The following CTNND2 variants were observed in gnomAD, a reference collection of about 807,000 sequenced individuals.
The protein encoded by CTNND2 is catenin delta-2.
Under a neutral mutation model 144.4 loss-of-function variants are expected in CTNND2, and 22 were observed. The ratio of observed to expected loss-of-function variants is 0.15; its 90% CI spans 0.11 to 0.22. CTNND2 has a LOEUF of 0.22. CTNND2 is among the 10% of genes least tolerant of loss of function. The pLI, the probability that CTNND2 is intolerant of heterozygous loss-of-function variation, is 1.00. For missense variants in CTNND2, 1,353 were observed against 1,618.8 expected (o/e 0.84, Z 2.82); for synonymous variants, 751 against 695.6 (o/e 1.08, Z -1.25).
intron 11 of CTNND2, among the ~76,000 whole-genome samples, chr5:11,191,877 T>G (rs1379275823): frequency 6.6e-6 from 1 of 152,182 alleles, no homozygotes; most frequent in East Asian, 1.9e-4. Context: ...TGGCTCTGGC[T>G]TCCCCTGCTT....
chr5:11,119,883 G>A (rs957913342), intron 12 of CTNND2, among the ~76,000 whole-genome samples: 9 of 152,156 alleles, frequency 5.9e-5, no homozygotes, highest in Non-Finnish European at 1.3e-4. Context: ...TCTTTCCTTC[G>A]AGTATCCTTT....
chr5:11,860,137 T>G (rs1795435409), intron 1 of CTNND2, among the ~76,000 whole-genome samples: 1 of 152,196 alleles, frequency 6.6e-6, no homozygotes, highest in Non-Finnish European at 1.5e-5. Flanking sequence ...ATGTGAAAAC[T>G]TGACAATTTT....
At chr5:11,092,804 A>G (rs1427708890) in intron 15 of CTNND2, among the ~76,000 whole-genome samples, 1 of 152,260 alleles carries the variant, frequency 6.6e-6, no homozygotes, top group Non-Finnish European at 1.5e-5. Flanking sequence ...ACTAGAACAA[A>G]GACAAGTCAC....
intron 2 of CTNND2, among the ~76,000 whole-genome samples, chr5:11,645,625 G>A (rs956361001): frequency 1.3e-5 from 2 of 152,074 alleles, no homozygotes; most frequent in African/African-American, 4.8e-5. Flanking sequence ...ACCACTGTTA[G>A]TGCAATAATT....
chr5:11,285,762 T>G (rs1240529498), intron 9 of CTNND2, among the ~76,000 whole-genome samples: 1 of 135,520 alleles, frequency 7.4e-6, no homozygotes, highest in East Asian at 2.0e-4. Context: ...TTAGCTCCTA[T>G]AAGCCCAGGA....
chr5:11,899,389 A>C (rs1215994363), intron 1 of CTNND2, among the ~76,000 whole-genome samples: 2 of 152,228 alleles, frequency 1.3e-5, no homozygotes, highest in African/African-American at 4.8e-5. Flanking sequence ...CTACTGGGTT[A>C]GAATCTTTTA....
intron 12 of CTNND2, among the ~76,000 whole-genome samples, chr5:11,148,178 G>GCTTA (rs1757426168): frequency 6.6e-6 from 1 of 152,198 alleles, no homozygotes; most frequent in African/African-American, 2.4e-5. Context: ...AAGGCAGAAT[G>GCTTA]GGAGTAACTG....
chr5:11,521,056 T>C (rs1423230875), intron 3 of CTNND2, among the ~76,000 whole-genome samples: 3 of 152,180 alleles, frequency 2.0e-5, no homozygotes, highest in African/African-American at 7.2e-5. Flanking sequence ...CATAGGAAAA[T>C]AGAGGGGTAA....
rs575161120 is a variant in CTNND2, at chr5:11,294,841, A to G, written c.1628+51531T>C. Among the ~76,000 whole-genome samples, 8 of 152,320 alleles carry G rather than the reference A, an allele frequency of 5.3e-5. No homozygotes were observed. In the South Asian group the frequency reaches 1.5e-3, roughly 28 times the overall value. On this transcript the variant is annotated intron_variant, in intron 9 of 21. Transcript: ENST00000304623. ...ACTGATGGACGTATCTCAAAATAAT[A>G]AGAGCTATCTATGACAAACCCGCAG...
chr5:11,240,205 A>C (rs867147023), intron 9 of CTNND2, among the ~76,000 whole-genome samples: 58 of 95,054 alleles, frequency 6.1e-4, no homozygotes, highest in South Asian at 1.1e-3. Flanking sequence ...ACACACACAC[A>C]CCCCCAACAC....
At chr5:11,008,395 A>C (rs1740712416) in intron 18 of CTNND2, among the ~76,000 whole-genome samples, 1 of 152,208 alleles carries the variant, frequency 6.6e-6, no homozygotes. Flanking sequence ...GTACGACAAC[A>C]TAAGCAAAGA....
At chr5:11,059,860 G>A (rs77630092) in intron 16 of CTNND2, among the ~76,000 whole-genome samples, 9,856 of 151,778 alleles carry the variant, frequency 0.065, 526 homozygotes, top group African/African-American at 0.14. Flanking sequence ...AAATATATGT[G>A]TATATATATA....
rs559597475 is a variant in CTNND2 at position 11,523,088 on chromosome 5, C to G, written c.287+41856G>C. ...ATGCAAGTTTTTCTACAAAAGTTTC[C>G]ATAACTGATACTAATTTCACACTTA... On this transcript the variant is annotated intron_variant, in intron 3 of 21. Transcript: ENST00000304623. 3.3e-5 allele frequency among the ~76,000 whole-genome samples: 5 copies of G among 152,236 alleles called. No homozygotes were observed. In the South Asian group the frequency reaches 6.2e-4, roughly 19 times the overall value.
At chr5:11,094,282 T>C (rs1043652349) in intron 15 of CTNND2, among the ~76,000 whole-genome samples, 1 of 152,074 alleles carries the variant, frequency 6.6e-6, no homozygotes, top group African/African-American at 2.4e-5. Context: ...AGTAATAACA[T>C]TTTCTTGATG....
chr5:11,418,803 G>A (rs568450615), intron 3 of CTNND2, among the ~76,000 whole-genome samples: 1 of 151,940 alleles, frequency 6.6e-6, no homozygotes, highest in Admixed American at 6.6e-5. Context: ...GAACACTTAT[G>A]GAATAAATAC....
chr5:11,754,867 GAC>G (rs1788843412), intron 1 of CTNND2, among the ~76,000 whole-genome samples: 1 of 151,396 alleles, frequency 6.6e-6, no homozygotes, highest in Non-Finnish European at 1.5e-5. Context: ...GTATCTTAAA[GAC>G]AGTAAATCTT....
chr5:11,689,526 G>A (rs1784801767), intron 2 of CTNND2, among the ~76,000 whole-genome samples: 1 of 152,086 alleles, frequency 6.6e-6, no homozygotes, highest in Admixed American at 6.5e-5. Context: ...CCATTTCTTA[G>A]TGTCACTTTT....
At chr5:11,611,734 C>T (rs1259795569) in intron 2 of CTNND2, among the ~76,000 whole-genome samples, 3 of 152,172 alleles carry the variant, frequency 2.0e-5, no homozygotes, top group African/African-American at 2.4e-5. Flanking sequence ...GCCGAGATCG[C>T]GCCAATGCAC....
At chr5:11,419,191 CTCTTT>C (rs1209517859) in intron 3 of CTNND2, among the ~76,000 whole-genome samples, 2 of 151,900 alleles carry the variant, frequency 1.3e-5, no homozygotes, top group Non-Finnish European at 2.9e-5. Flanking sequence ...ACTTCCCTCC[CTCTTT>C]TATCTCCAAT....
Sources: gnomAD v4.1 joint callset for allele counts (sites outside exome capture counted in the v4.1 genomes callset) on GRCh38, gnomAD v4.1.1 for gene constraint, MANE v1.5 for transcripts, NCBI Gene and HGNC (gene_info 2026-07-23, HGNC 2026-07-21) for gene names.